Variants in BDH1 observed in about 807,000 individuals in gnomAD.
The protein encoded by BDH1 is D-beta-hydroxybutyrate dehydrogenase, mitochondrial.
In BDH1, 30 loss-of-function variants were observed where a neutral mutation model predicts 33.1. The ratio of observed to expected loss-of-function variants is 0.91; its 90% CI spans 0.68 to 1.23. BDH1 has a LOEUF of 1.23. BDH1 is among the 50% of genes most tolerant of loss of function. The probability of loss-of-function intolerance (pLI) is 0.00; values close to 1 mark genes in which losing one functional copy is unlikely to be tolerated. For missense variants in BDH1, 443 were observed against 464.4 expected, an observed-to-expected ratio of 0.95 and a Z score of 0.42; for synonymous variants, 190 against 183.6, an observed-to-expected ratio of 1.03 and a Z score of -0.28.
At chr3:197,544,339 T>C (rs575060125) in intron 3 of BDH1, among the ~76,000 whole-genome samples, 13 of 152,214 alleles carry the variant, frequency 8.5e-5, no homozygotes, top group Non-Finnish European at 1.9e-4. Context: ...CCAAATTCCC[T>C]TTGACAATCT....
At chr3:197,550,838 T>A (rs1321734091) in intron 2 of BDH1, among the ~76,000 whole-genome samples, 1 of 152,220 alleles carries the variant, frequency 6.6e-6, no homozygotes, top group African/African-American at 2.4e-5. Flanking sequence ...CTTTACAGTC[T>A]CTGTGTAATT....
At position 197,523,462 on chromosome 3, in the gene BDH1, C is replaced by T. The variant is rs140795029; in HGVS notation, c.268-681G>A. On this transcript the variant is annotated intron_variant, in intron 5 of 7. Coordinates refer to ENST00000392379, the MANE Select transcript of BDH1 (RefSeq NM_203314.3). This position sits in a 1 kb window ranked among gnomAD's most constrained non-coding sequence, Gnocchi z 4.5. ...GTAAAACAGGAACATCACCACCTGT[C>T]CTGACCTGCTCAGATTAATGGAGTA... 3.1e-3 allele frequency among the ~76,000 whole-genome samples: 467 copies of T among 152,236 alleles called. 2 individuals are homozygous for T. The highest frequency in any genetic ancestry group is 0.011 in the African/African-American group (454 of 41,546).
intron 1 of BDH1, among the ~76,000 whole-genome samples, chr3:197,570,524 T>C (rs1406421395): frequency 1.3e-5 from 2 of 152,220 alleles, no homozygotes; most frequent in Non-Finnish European, 2.9e-5. Context: ...CCCTGCTGTG[T>C]GCATCTTAGG....
chr3:197,526,245 T>C lies in BDH1; in HGVS notation c.268-3464A>G, dbSNP rs1714084327. ...CCAAACTTGTATGCGAGGTAAAGCT[T>C]TCCCCTGCCCAGCCCTGAGGGCTGT... On this transcript the variant is annotated intron_variant, in intron 5 of 7. Transcript: ENST00000392379. The surrounding 1 kb of genome is among the most constrained non-coding windows in gnomAD (Gnocchi z 4.7). Among the ~76,000 whole-genome samples the C allele has an allele frequency of 6.6e-6, 1 of 152,208 alleles. No individual in the cohort carries two copies. Among genetic ancestry groups the C allele is most frequent in the Admixed American group, 6.5e-5 (1 of 15,280 alleles).
intron 1 of BDH1, among the ~76,000 whole-genome samples, chr3:197,569,638 G>C (rs1717542657): frequency 6.6e-6 from 1 of 152,098 alleles, no homozygotes; most frequent in Non-Finnish European, 1.5e-5. Flanking sequence ...AAAACTGATG[G>C]TTTTACAAGG....
At chr3:197,531,505 A>C (rs1714661044) in intron 5 of BDH1, among the ~76,000 whole-genome samples, 1 of 150,838 alleles carries the variant, frequency 6.6e-6, no homozygotes, top group African/African-American at 2.4e-5. Flanking sequence ...CCACTCAGCA[A>C]TACAAAGGAA....
intron 2 of BDH1, among the ~76,000 whole-genome samples, chr3:197,547,204 C>T (rs974718431): frequency 3.3e-5 from 5 of 152,220 alleles, no homozygotes; most frequent in Admixed American, 6.5e-5. Flanking sequence ...CTAGGCACCA[C>T]GACTCTTCAG....
At chr3:197,551,655 C>T (rs922784072) in intron 2 of BDH1, among the ~76,000 whole-genome samples, 2 of 152,152 alleles carry the variant, frequency 1.3e-5, no homozygotes, top group Non-Finnish European at 2.9e-5. Flanking sequence ...ACAAACTATT[C>T]TCTGTAGTGG....
At position 197,522,601 on chromosome 3, in the gene BDH1, C is replaced by G. The variant is rs1713668339; in HGVS notation, c.409+39G>C. The G allele has an allele frequency of 1.2e-6, 2 of 1,610,590 alleles. No homozygotes were observed. Among genetic ancestry groups the G allele is most frequent in the East Asian group, 4.5e-5 (2 of 44,886 alleles). On this transcript the variant is annotated intron_variant, in intron 6 of 7. Coordinates refer to ENST00000392379, the MANE Select transcript of BDH1 (RefSeq NM_203314.3). The surrounding 1 kb of genome is among the most constrained non-coding windows in gnomAD (Gnocchi z 4.8). ...GTTCGGCAAGTGCCCCTTGGAATGG[C>G]CCCATACACAACCCCTGCCGTCCGA...
intron 3 of BDH1, among the ~76,000 whole-genome samples, chr3:197,537,653 G>T (rs952556580): frequency 2.6e-5 from 4 of 152,190 alleles, no homozygotes; most frequent in Non-Finnish European, 5.9e-5. Context: ...AAGGCTTATG[G>T]TGTTTACCCT....
chr3:197,510,599 G>GGGGTGTGTGTGTGTGT lies in BDH1; in HGVS notation c.*1295_*1296insACACACACACACACCC, dbSNP rs1553865645. ...CCACGCTGAAGCCCTGCAGAACAGG[G>GGGGTGTGTGTGTGTGT]GTGTGTGTGTGTGTGTGTGTGTGTG... On this transcript the variant is annotated 3_prime_UTR_variant, in exon 8 of 8. Coordinates refer to ENST00000392379, the MANE Select transcript of BDH1 (RefSeq NM_203314.3). The GGGGTGTGTGTGTGTGT allele has an allele frequency of 2.7e-5, 2 of 75,378 alleles. No homozygotes were observed. The highest frequency in any genetic ancestry group is 7.8e-4 in the East Asian group (1 of 1,276). The allele number at this position is 75,378 out of a possible 1,614,324, so 4.7% of individuals were successfully genotyped here.
At chr3:197,567,763 GA>G (rs1459150424) in intron 1 of BDH1, among the ~76,000 whole-genome samples, 1 of 152,146 alleles carries the variant, frequency 6.6e-6, no homozygotes, top group Non-Finnish European at 1.5e-5. Flanking sequence ...TTTATGGAGG[GA>G]AATGAAGCAT....
In BDH1 at chr3:197,522,787, G is replaced by A; in HGVS notation, c.268-6C>T. The A allele has an allele frequency of 1.9e-6, 3 of 1,613,418 alleles. No homozygotes were observed. Among genetic ancestry groups the A allele is most frequent in the Non-Finnish European group, 2.5e-6 (3 of 1,179,536 alleles). The stretch of plus-strand genomic sequence containing the variant: ...ACCCCATCATGGCCTTTGTCCTGGG[G>A]AGGAGAGAAGAGCTGCTTCTACCTC... On this transcript the variant is annotated splice_polypyrimidine_tract_variant and splice_region_variant and intron_variant, in intron 5 of 7. Transcript: ENST00000392379. The surrounding 1 kb of genome is among the most constrained non-coding windows in gnomAD (Gnocchi z 4.8).
chr3:197,512,755 G>A (rs866381316), intron 7 of BDH1, among the ~76,000 whole-genome samples: 16 of 152,192 alleles, frequency 1.1e-4, no homozygotes, highest in Admixed American at 5.2e-4. Context: ...TCTGGTGCTG[G>A]TGAGGGAGAA....
At chr3:197,571,573 A>G (rs1717607982) in intron 1 of BDH1, among the ~76,000 whole-genome samples, 1 of 152,182 alleles carries the variant, frequency 6.6e-6, no homozygotes, top group South Asian at 2.1e-4. Context: ...TTACAAGGGG[A>G]AACCCCTTTC....
At chr3:197,546,262 A>G in intron 3 of BDH1, 99 bp downstream of exon 3, 4 of 1,159,316 alleles carry the variant, frequency 3.5e-6, no homozygotes, top group Non-Finnish European at 5.1e-6. Flanking sequence ...GACATCTCTG[A>G]GAATCAGGCC....
At position 197,512,081 on chromosome 3, in the gene BDH1, G is replaced by C; in HGVS notation, c.846C>G (p.Ala282=). 1.2e-6 allele frequency: 2 copies of C among 1,614,216 alleles called. No homozygotes were observed. The highest frequency in any genetic ancestry group is 1.1e-5 in the South Asian group (1 of 91,090). ...YGKKYFDEKI[A]KMETYCSSGS... is the part of the protein sequence containing the mutation. ...CACTGCTGCAGTAGGTCTCCATCTT[G>C]GCGATCTTTTCATCAAAGTACTTCT... The change falls in exon 8 of 8, where the codon GCC becomes GCG. Residue 282 remains alanine (A), a synonymous_variant. Coordinates refer to ENST00000392379, the MANE Select transcript of BDH1 (RefSeq NM_203314.3).
intron 2 of BDH1, among the ~76,000 whole-genome samples, chr3:197,547,625 A>G (rs1324770151): frequency 1.3e-5 from 2 of 152,198 alleles, no homozygotes; most frequent in African/African-American, 4.8e-5. Context: ...CCACACCCCC[A>G]TTCTCAGCAC....
intron 6 of BDH1, among the ~76,000 whole-genome samples, chr3:197,517,513 C>CT: frequency 2.4e-5 from 1 of 41,050 alleles, no homozygotes; most frequent in Non-Finnish European, 5.0e-5. Flanking sequence ...TCAGGCCGAC[C>CT]CCCCCATCAG....
Sources: allele counts gnomAD v4.1 joint callset (sites outside exome capture counted in the v4.1 genomes callset), GRCh38; gene constraint gnomAD v4.1.1; non-coding constraint Gnocchi (gnomAD v3.1); transcripts MANE v1.5; gene names NCBI Gene and HGNC (gene_info 2026-07-23, HGNC 2026-07-21).